The following PTPRG variants were observed in gnomAD, a reference collection of about 807,000 sequenced individuals.
PTPRG encodes the protein receptor-type tyrosine-protein phosphatase gamma.
In PTPRG, 102 loss-of-function variants were observed where a neutral mutation model predicts 165.3. The observed-to-expected ratio is 0.62, with a 90% CI of 0.53 to 0.73. The LOEUF (loss-of-function observed/expected upper bound fraction) is 0.73. Among genes scored for constraint, PTPRG ranks in the 30% least tolerant of loss-of-function variants. The pLI, the probability that PTPRG is intolerant of heterozygous loss-of-function variation, is 0.00. For synonymous variants in PTPRG, 675 were observed against 669.5 expected (o/e 1.01, Z -0.13); for missense variants, 1,866 against 1,861.4 (o/e 1.00, Z -0.05).
chr3:61,969,442 C>G (rs748468723), intron 2 of PTPRG, among the ~76,000 whole-genome samples: 35 of 152,262 alleles, frequency 2.3e-4, no homozygotes, highest in Non-Finnish European at 4.4e-4. Flanking sequence ...TGAAATAATA[C>G]AATCTTTTGG....
chr3:61,945,920 C>T (rs1423742172), intron 2 of PTPRG, among the ~76,000 whole-genome samples: 1 of 152,150 alleles, frequency 6.6e-6, no homozygotes, highest in African/African-American at 2.4e-5. Flanking sequence ...GTGGCTTGCC[C>T]AAGCTATATG....
At chr3:61,811,111 G>A (rs2035560294) in intron 2 of PTPRG, among the ~76,000 whole-genome samples, 1 of 152,086 alleles carries the variant, frequency 6.6e-6, no homozygotes, top group Admixed American at 6.6e-5. Flanking sequence ...CTCCCAATTA[G>A]GCCTGCTGTG....
At chr3:61,710,031 G>A (rs1178819604) in intron 1 of PTPRG, among the ~76,000 whole-genome samples, 1 of 152,192 alleles carries the variant, frequency 6.6e-6, no homozygotes, top group Non-Finnish European at 1.5e-5. Flanking sequence ...ACTTCCGGGT[G>A]TTTGCCAAGT....
At position 62,292,484 on chromosome 3, in the gene PTPRG, T is replaced by G. The variant is rs750672575; in HGVS notation, c.4119T>G (p.Asn1373Lys). ...ALTTLSQQLE[N>K]ENAVDVFQVA... is the part of the protein sequence containing the mutation. Reference sequence around the variant, plus strand: ...CCACCCTGTCCCAGCAACTGGAGAATGAAAATGCTGTGGATGTTTTCCAGG... The same window carrying G: ...CCACCCTGTCCCAGCAACTGGAGAAGGAAAATGCTGTGGATGTTTTCCAGG... The change falls in exon 29 of 30, where the codon AAT (asparagine) becomes AAG (lysine). Residue 1373 changes from asparagine (N) to lysine (K), a missense_variant. Around this residue, in one of 3 missense-constraint regions of PTPRG, gnomAD observed 1,452 missense variants for 1,463.0 expected, o/e 0.99. Coordinates refer to ENST00000474889, the MANE Select transcript of PTPRG (RefSeq NM_002841.4). 6.2e-7 allele frequency: 1 copy of G among 1,613,714 alleles called. No individual in the cohort carries two copies. The highest frequency in any genetic ancestry group is 8.5e-7 in the Non-Finnish European group (1 of 1,179,760).
chr3:61,884,970 T>A (rs1320274793), intron 2 of PTPRG, among the ~76,000 whole-genome samples: 1 of 152,184 alleles, frequency 6.6e-6, no homozygotes, highest in Non-Finnish European at 1.5e-5. Flanking sequence ...AGAGTACCTG[T>A]TCTCCTGCCC....
At chr3:62,045,568 A>G (rs1357050002) in intron 4 of PTPRG, among the ~76,000 whole-genome samples, 1 of 152,234 alleles carries the variant, frequency 6.6e-6, no homozygotes, top group African/African-American at 2.4e-5. Context: ...TAAATGGCAC[A>G]GGGAAGTAGA....
chr3:61,899,293 A>T (rs1331433980), intron 2 of PTPRG, among the ~76,000 whole-genome samples: 1 of 152,200 alleles, frequency 6.6e-6, no homozygotes, highest in African/African-American at 2.4e-5. Context: ...ATGGGTGAAT[A>T]ATTCTGACAG....
intron 1 of PTPRG, among the ~76,000 whole-genome samples, chr3:61,639,261 G>A (rs192134336): frequency 1.8e-4 from 28 of 152,244 alleles, no homozygotes; most frequent in African/African-American, 6.7e-4. Context: ...TGTTCCATTG[G>A]TGTATGTGTT....
intron 2 of PTPRG, among the ~76,000 whole-genome samples, chr3:61,853,190 G>A (rs974076102): frequency 6.6e-6 from 1 of 152,142 alleles, no homozygotes; most frequent in South Asian, 2.1e-4. Context: ...AGGGAAGGGG[G>A]GTTTGAGAAA....
Position 62,245,697 on chromosome 3 carries a change from A to G in PTPRG, c.2467+1799A>G, listed in dbSNP as rs1701273625. 1.3e-5 allele frequency among the ~76,000 whole-genome samples: 2 copies of G among 152,204 alleles called. No individual in the cohort carries two copies. The highest frequency in any genetic ancestry group is 2.1e-4 in the South Asian group (1 of 4,820). The stretch of plus-strand genomic sequence containing the variant: ...CAAGACAACAGTAGATGATATTTGT[A>G]AAAGCACTTTGGAAACCATACATTA... On this transcript the variant is annotated intron_variant, in intron 15 of 29. Transcript: ENST00000474889. The surrounding 1 kb of genome is among the most constrained non-coding windows in gnomAD (Gnocchi z 4.2).
At chr3:62,109,945 C>A (rs1375821037) in intron 5 of PTPRG, among the ~76,000 whole-genome samples, 1 of 152,114 alleles carries the variant, frequency 6.6e-6, no homozygotes, top group Non-Finnish European at 1.5e-5. Context: ...CACCCTCTGG[C>A]AGTTTCTTTG....
chr3:61,732,340 G>A (rs992676210), intron 1 of PTPRG, among the ~76,000 whole-genome samples: 19 of 152,124 alleles, frequency 1.2e-4, no homozygotes, highest in Non-Finnish European at 2.5e-4. Context: ...CACTATGGGA[G>A]GCCGAGGTGG....
At chr3:61,609,306 C>G (rs1290750733) in intron 1 of PTPRG, among the ~76,000 whole-genome samples, 1 of 152,130 alleles carries the variant, frequency 6.6e-6, no homozygotes, top group African/African-American at 2.4e-5. Flanking sequence ...TGTTCCATTT[C>G]TACGTATCAT....
At chr3:61,802,799 C>T (rs2035288162) in intron 2 of PTPRG, among the ~76,000 whole-genome samples, 1 of 152,058 alleles carries the variant, frequency 6.6e-6, no homozygotes, top group Non-Finnish European at 1.5e-5. Flanking sequence ...AGTTAGATTT[C>T]AGGAGTCATG....
intron 4 of PTPRG, among the ~76,000 whole-genome samples, chr3:62,010,393 T>TGTGTGC (rs2041393810): frequency 6.6e-6 from 1 of 152,176 alleles, no homozygotes; most frequent in East Asian, 1.9e-4. Flanking sequence ...TGTGTGTGTG[T>TGTGTGC]GTGTATAAGT....
intron 1 of PTPRG, among the ~76,000 whole-genome samples, chr3:61,743,574 A>G (rs1337052169): frequency 6.6e-6 from 1 of 152,136 alleles, no homozygotes; most frequent in Non-Finnish European, 1.5e-5. Context: ...GAATGCAGCA[A>G]TGTACAGCAT....
intron 5 of PTPRG, among the ~76,000 whole-genome samples, chr3:62,125,961 C>A (rs1703275832): frequency 6.6e-6 from 1 of 152,116 alleles, no homozygotes; most frequent in Admixed American, 6.5e-5. Flanking sequence ...TGCGGGCCCC[C>A]ACGGGAGTAC....
intron 2 of PTPRG, among the ~76,000 whole-genome samples, chr3:61,981,022 A>G (rs1464487271): frequency 6.6e-6 from 1 of 152,192 alleles, no homozygotes; most frequent in African/African-American, 2.4e-5. Flanking sequence ...AGACTGGGTA[A>G]TTTATAAAGA....
chr3:62,003,140 T>G (rs766489842), intron 3 of PTPRG, among the ~76,000 whole-genome samples: 1 of 152,160 alleles, frequency 6.6e-6, no homozygotes, highest in Non-Finnish European at 1.5e-5. Context: ...GAAAGTATCA[T>G]GATTTAGGGC....
Sources: gnomAD v4.1 joint callset for allele counts (sites outside exome capture counted in the v4.1 genomes callset) on GRCh38, gnomAD v4.1.1 for gene constraint, gnomAD v4.1.1 regional missense constraint, Gnocchi (gnomAD v3.1) non-coding constraint, MANE v1.5 for transcripts, NCBI Gene and HGNC (gene_info 2026-07-23, HGNC 2026-07-21) for gene names.